The following DSCAM variants were observed in gnomAD, a reference collection of about 807,000 sequenced individuals.
The protein encoded by DSCAM is cell adhesion molecule DSCAM.
DSCAM carries 47 observed loss-of-function variants against 217.7 expected under a neutral mutation model. The observed-to-expected ratio is 0.22, with a 90% CI of 0.17 to 0.28. The LOEUF is 0.28. Among genes scored for constraint, DSCAM ranks in the 10% least tolerant of loss-of-function variants. The probability of loss-of-function intolerance (pLI) is 1.00; values close to 1 mark genes in which losing one functional copy is unlikely to be tolerated. For missense variants in DSCAM, 2,080 were observed against 2,618.3 expected (o/e 0.79, Z 4.49); for synonymous variants, 1,056 against 1,015.3 (o/e 1.04, Z -0.76).
chr21:40,646,034 C>T (rs1259246783), intron 3 of DSCAM, among the ~76,000 whole-genome samples: 1 of 151,934 alleles, frequency 6.6e-6, no homozygotes, highest in African/African-American at 2.4e-5. Context: ...GATAAAGTAC[C>T]ACCATGAAGT....
chr21:40,479,199 C>A (rs575086684), intron 3 of DSCAM, among the ~76,000 whole-genome samples: 1 of 152,258 alleles, frequency 6.6e-6, no homozygotes, highest in East Asian at 1.9e-4. Flanking sequence ...AGAGACATGG[C>A]CATGAGTAAT....
At chr21:40,122,584 G>T (rs539872910) in intron 20 of DSCAM, among the ~76,000 whole-genome samples, 1 of 152,250 alleles carries the variant, frequency 6.6e-6, no homozygotes, top group South Asian at 2.1e-4. Context: ...GGGCACAATG[G>T]CTCAGCTTTT....
At chr21:40,171,644 G>C (rs2090659506) in intron 15 of DSCAM, among the ~76,000 whole-genome samples, 1 of 151,714 alleles carries the variant, frequency 6.6e-6, no homozygotes, top group African/African-American at 2.4e-5. Flanking sequence ...ACACAATAGG[G>C]CTATGTCCAA....
At chr21:40,591,915 C>T (rs2076987158) in intron 3 of DSCAM, among the ~76,000 whole-genome samples, 1 of 152,106 alleles carries the variant, frequency 6.6e-6, no homozygotes, top group Non-Finnish European at 1.5e-5. Flanking sequence ...ATTATCTGCC[C>T]AAGAATTAAA....
intron 3 of DSCAM, among the ~76,000 whole-genome samples, chr21:40,485,767 T>C (rs2076022817): frequency 6.6e-6 from 1 of 152,156 alleles, no homozygotes; most frequent in African/African-American, 2.4e-5. Flanking sequence ...TATACTTAAA[T>C]TGTGTGTCAA....
At chr21:40,623,334 T>C (rs1378228247) in intron 3 of DSCAM, among the ~76,000 whole-genome samples, 2 of 152,230 alleles carry the variant, frequency 1.3e-5, no homozygotes, top group Non-Finnish European at 2.9e-5. Flanking sequence ...TGCTATTTCC[T>C]GAGTGCAGTG....
chr21:40,788,369 C>T (rs901733939), intron 1 of DSCAM, among the ~76,000 whole-genome samples: 5 of 152,096 alleles, frequency 3.3e-5, no homozygotes, highest in Admixed American at 3.3e-4. Context: ...TTTGGTTCCC[C>T]TTTGTGTTAA....
intron 28 of DSCAM, among the ~76,000 whole-genome samples, chr21:40,060,661 G>A (rs369673056): frequency 2.0e-5 from 3 of 152,178 alleles, no homozygotes; most frequent in Admixed American, 6.5e-5. Context: ...TATCACCTCC[G>A]CGGTGCTAGT....
At chr21:40,536,184 G>A (rs941385584) in intron 3 of DSCAM, among the ~76,000 whole-genome samples, 1 of 152,294 alleles carries the variant, frequency 6.6e-6, no homozygotes, top group Non-Finnish European at 1.5e-5. Flanking sequence ...AGAAGAAGCG[G>A]AAACTGATTT....
chr21:40,664,436 T>C (rs2090176929), intron 3 of DSCAM, among the ~76,000 whole-genome samples: 1 of 152,204 alleles, frequency 6.6e-6, no homozygotes, highest in Non-Finnish European at 1.5e-5. Flanking sequence ...TGCAGATCAC[T>C]TGGAGAGGAC....
At chr21:40,085,429 T>C (rs2089519101) in intron 23 of DSCAM, among the ~76,000 whole-genome samples, 173 bp downstream of exon 23, 1 of 152,238 alleles carries the variant, frequency 6.6e-6, no homozygotes, top group African/African-American at 2.4e-5. Flanking sequence ...TGTATTTTCT[T>C]TGATTTGTTT....
intron 3 of DSCAM, among the ~76,000 whole-genome samples, chr21:40,371,012 A>G (rs752174857): frequency 1.3e-5 from 2 of 152,232 alleles, no homozygotes; most frequent in African/African-American, 4.8e-5. Flanking sequence ...GAAAAAGATC[A>G]TAAAATAACA....
chr21:40,052,817 G>A (rs1220160184), intron 29 of DSCAM, among the ~76,000 whole-genome samples: 2 of 152,194 alleles, frequency 1.3e-5, no homozygotes, highest in Non-Finnish European at 2.9e-5. Flanking sequence ...AGCGAGGCAG[G>A]AGCCTGGGTT....
At chr21:40,780,989 T>C (rs1485355612) in intron 1 of DSCAM, among the ~76,000 whole-genome samples, 3 of 149,174 alleles carry the variant, frequency 2.0e-5, no homozygotes, top group African/African-American at 4.9e-5. Context: ...TTAACATGTA[T>C]CTCTTGAATT....
intron 20 of DSCAM, among the ~76,000 whole-genome samples, chr21:40,107,685 C>T (rs2089838899): frequency 6.6e-6 from 1 of 151,904 alleles, no homozygotes; most frequent in Non-Finnish European, 1.5e-5. Flanking sequence ...CTGGGTGCTC[C>T]CGTGTTGGAT....
intron 32 of DSCAM, among the ~76,000 whole-genome samples, chr21:40,019,677 C>G (rs2088227004): frequency 6.6e-6 from 1 of 152,144 alleles, no homozygotes; most frequent in African/African-American, 2.4e-5. Flanking sequence ...TCCAGGGTCA[C>G]CATATTGGGT....
At chr21:40,647,391 T>C (rs921605951) in intron 3 of DSCAM, among the ~76,000 whole-genome samples, 3 of 152,242 alleles carry the variant, frequency 2.0e-5, no homozygotes, top group African/African-American at 7.2e-5. Flanking sequence ...CCATTAAATG[T>C]TATGAAACAA....
chr21:40,123,007 C>G (rs551583098), intron 20 of DSCAM, among the ~76,000 whole-genome samples: 1 of 152,272 alleles, frequency 6.6e-6, no homozygotes, highest in East Asian at 1.9e-4. Flanking sequence ...CATGGATGAA[C>G]CTTGAGGATA....
intron 11 of DSCAM, among the ~76,000 whole-genome samples, chr21:40,234,379 A>G (rs1358920249): frequency 6.6e-6 from 1 of 152,206 alleles, no homozygotes; most frequent in East Asian, 1.9e-4. Flanking sequence ...GGTCATGTCC[A>G]CTTCAGAGGC....
Sources: allele counts gnomAD v4.1 joint callset (sites outside exome capture counted in the v4.1 genomes callset), GRCh38; gene constraint gnomAD v4.1.1; transcripts MANE v1.5; gene names NCBI Gene and HGNC (gene_info 2026-07-23, HGNC 2026-07-21).